CYP4V2: variants seen among roughly 807,000 people sequenced by gnomAD.
The protein encoded by CYP4V2 is cytochrome P450 4V2.
Under a neutral mutation model 60.8 loss-of-function variants are expected in CYP4V2, and 55 were observed. The ratio of observed to expected loss-of-function variants is 0.90; its 90% CI spans 0.73 to 1.13. The LOEUF (loss-of-function observed/expected upper bound fraction) is 1.13. Ranked by LOEUF, CYP4V2 falls within the 50% of genes most tolerant of loss-of-function variation. The pLI, the probability that CYP4V2 is intolerant of heterozygous loss-of-function variation, is 0.00. For synonymous variants in CYP4V2, 239 were observed against 236.8 expected (o/e 1.01, Z -0.08); for missense variants, 675 against 662.9 (o/e 1.02, Z -0.20).
chr4:186,195,934 TA>T lies in CYP4V2; in HGVS notation c.328-68del, dbSNP rs1314032363. 1.8e-6 allele frequency: 2 copies of T among 1,104,370 alleles called. No individual in the cohort carries two copies. Among genetic ancestry groups the T allele is most frequent in the Non-Finnish European group, 2.8e-6 (2 of 724,460 alleles). 68.4% of individuals were successfully genotyped at this position (1,104,370 alleles called of 1,614,324 possible). ...TAAAAACTAGCTGTATTCTAGCCAG[TA>T]TTCCTATAATTACAGGAAGGTTGTT... is the stretch of plus-strand genomic sequence containing the variant. On this transcript the variant is annotated intron_variant, in intron 2 of 10. Transcript: ENST00000378802. This position sits in a 1 kb window ranked among gnomAD's most constrained non-coding sequence, Gnocchi z 4.1.
At chr4:186,194,171 C>T (rs1037033232) in intron 1 of CYP4V2, among the ~76,000 whole-genome samples, 14 of 152,146 alleles carry the variant, frequency 9.2e-5, no homozygotes, top group Admixed American at 5.9e-4. Flanking sequence ...AGCCAGTTTC[C>T]ACCATTTACT....
rs1266432393 is a variant in CYP4V2, at chr4:186,213,417, T to C, written c.*2776T>C. On this transcript the variant is annotated 3_prime_UTR_variant, in exon 11 of 11. Coordinates refer to ENST00000378802, the MANE Select transcript of CYP4V2 (RefSeq NM_207352.4). ...AAACTGTAAAAGATAAATCAGGAGATGGCTGATTCATAATGGGTAATAAAA... is the reference window on the plus strand; with the variant it reads ...AAACTGTAAAAGATAAATCAGGAGACGGCTGATTCATAATGGGTAATAAAA... The C allele has an allele frequency of 6.6e-6, 1 of 152,248 alleles. No homozygotes were observed. The highest frequency in any genetic ancestry group is 1.9e-4 in the East Asian group (1 of 5,202). 9.4% of individuals were successfully genotyped at this position (152,248 alleles called of 1,614,324 possible).
Position 186,197,238 on chromosome 4 carries a change from G to A in CYP4V2, c.604+108G>A, listed in dbSNP as rs145366496. On this transcript the variant is annotated intron_variant, in intron 4 of 10. Coordinates refer to ENST00000378802, the MANE Select transcript of CYP4V2 (RefSeq NM_207352.4). ...AAATGGGGGGACGGGAAAGGGTGAC[G>A]GGCTCTTCAGCGCGGTTCTACGACC... 592 of 1,358,164 alleles carry A rather than the reference G, an allele frequency of 4.4e-4. 5 individuals carry two copies. In the East Asian group the frequency reaches 9.9e-3, roughly 23 times the overall value. 84.1% of individuals were successfully genotyped at this position (1,358,164 alleles called of 1,614,324 possible).
chr4:186,193,976 T>C (rs748402964), intron 1 of CYP4V2, among the ~76,000 whole-genome samples: 3 of 152,174 alleles, frequency 2.0e-5, no homozygotes, highest in Non-Finnish European at 2.9e-5. Context: ...GAACCACAGA[T>C]TGAGACCTCC....
chr4:186,196,674 T>A (rs1287848642), intron 3 of CYP4V2: 1 of 410,654 alleles, frequency 2.4e-6, no homozygotes, highest in Non-Finnish European at 4.3e-6. Flanking sequence ...AATTCTTAAA[T>A]TTTTCAATTT....
Position 186,204,397 on chromosome 4 carries a change from AG to A in CYP4V2, c.988-802del, listed in dbSNP as rs1736430994. 5 of 34,374 alleles carry A rather than the reference AG, an allele frequency of 1.5e-4. 1 individual carries two copies. Among genetic ancestry groups the A allele is most frequent in the East Asian group, 1.4e-3 (2 of 1,464 alleles). 2.1% of individuals were successfully genotyped at this position (34,374 alleles called of 1,614,324 possible). ...GCGGTGGAGGCGCTACGCTGGCGTA[AG>A]AGGTGGCGGTGGAGACGTTTCGCTG... On this transcript the variant is annotated intron_variant, in intron 7 of 10. Transcript: ENST00000378802.
At chr4:186,196,463 C>T in intron 3 of CYP4V2, 2 of 328,108 alleles carry the variant, frequency 6.1e-6, no homozygotes, top group South Asian at 6.0e-5. Flanking sequence ...GTACAGTGAG[C>T]TGGTATCTAG....
At chr4:186,207,945 A>G (rs1193604858) in intron 8 of CYP4V2, among the ~76,000 whole-genome samples, 4 of 152,172 alleles carry the variant, frequency 2.6e-5, no homozygotes, top group Non-Finnish European at 5.9e-5. Flanking sequence ...TTTTATTTTG[A>G]TAATGCATAA....
Position 186,211,218 on chromosome 4 carries a change from A to G in CYP4V2, c.*577A>G, listed in dbSNP as rs1003249063. The G allele has an allele frequency of 6.5e-6, 1 of 153,050 alleles. No individual in the cohort carries two copies. Among genetic ancestry groups the G allele is most frequent in the African/African-American group, 2.4e-5 (1 of 41,444 alleles). The allele number at this position is 153,050 out of a possible 1,614,324, so 9.5% of individuals were successfully genotyped here. On this transcript the variant is annotated 3_prime_UTR_variant, in exon 11 of 11. Transcript: ENST00000378802. ...AAGTAGTTAATTGTGTCAGCACCCAAATAAACATCTAACAGGTTTCTCAAC... is the reference window on the plus strand; with the variant it reads ...AAGTAGTTAATTGTGTCAGCACCCAGATAAACATCTAACAGGTTTCTCAAC...
intron 7 of CYP4V2, chr4:186,203,694 G>A (rs1032163165): frequency 6.6e-6 from 1 of 152,206 alleles, no homozygotes; most frequent in African/African-American, 2.4e-5. Flanking sequence ...ACTTCCTTCC[G>A]TACTTAGACA....
chr4:186,209,065 T>A, intron 9 of CYP4V2, 28 bp from the exon 10 acceptor site: 1 of 1,614,190 alleles, frequency 6.2e-7, no homozygotes. Flanking sequence ...TGCTCCGGTC[T>A]CATAATGTAT....
rs769901483 is a variant in CYP4V2, at chr4:186,191,970, C to G, written c.147C>G (p.Pro49=). 3.0e-5 allele frequency: 48 copies of G among 1,586,110 alleles called. No individual in the cohort carries two copies. The highest frequency in any genetic ancestry group is 3.9e-5 in the Non-Finnish European group (46 of 1,170,340). Reference sequence around the variant, plus strand: ...CGCGGAAATGGCAGCAGATGCGGCCCATCCCCACGGTGGCCCGCGCCTACC... The same window carrying G: ...CGCGGAAATGGCAGCAGATGCGGCCGATCCCCACGGTGGCCCGCGCCTACC... ...SYARKWQQMR[P]IPTVARAYPL... is the part of the protein sequence containing the mutation. The change falls in exon 1 of 11, where the codon CCC becomes CCG. Residue 49 remains proline (P), a synonymous_variant. Coordinates refer to ENST00000378802, the MANE Select transcript of CYP4V2 (RefSeq NM_207352.4).
chr4:186,212,044 G>T lies in CYP4V2; in HGVS notation c.*1403G>T, dbSNP rs1345794706. 6.6e-6 allele frequency: 1 copy of T among 152,034 alleles called. No individual in the cohort carries two copies. Among genetic ancestry groups the T allele is most frequent in the Non-Finnish European group, 1.5e-5 (1 of 68,008 alleles). 9.4% of individuals were successfully genotyped at this position (152,034 alleles called of 1,614,324 possible). On this transcript the variant is annotated 3_prime_UTR_variant, in exon 11 of 11. Transcript: ENST00000378802. ...AGGACTTTAGAACTTATCTAGTTAT[G>T]CTCCTTTATATTATAAGTAAGGGAA...
intron 7 of CYP4V2, chr4:186,202,325 T>G (rs1736326971): frequency 6.6e-6 from 1 of 152,056 alleles, no homozygotes; most frequent in Non-Finnish European, 1.5e-5. Context: ...AGTAGAGAGG[T>G]GTTAAGTGTG....
At position 186,191,800 on chromosome 4, in the gene CYP4V2, A is replaced by G; in HGVS notation, c.-24A>G. Reference sequence around the variant, plus strand: ...GCGGGCCCGCACTTTCCCGGAGTGCACCCCGCGGCCGCCAGCCGGGGCGAT... The same window carrying G: ...GCGGGCCCGCACTTTCCCGGAGTGCGCCCCGCGGCCGCCAGCCGGGGCGAT... On this transcript the variant is annotated 5_prime_UTR_variant, in exon 1 of 11. Coordinates refer to ENST00000378802, the MANE Select transcript of CYP4V2 (RefSeq NM_207352.4). 2 of 1,516,594 alleles carry G rather than the reference A, an allele frequency of 1.3e-6. No homozygotes were observed. Among genetic ancestry groups the G allele is most frequent in the Non-Finnish European group, 8.8e-7 (1 of 1,138,722 alleles). 93.9% of individuals were successfully genotyped at this position (1,516,594 alleles called of 1,614,324 possible).
chr4:186,197,355 A>G, intron 4 of CYP4V2, 178 bp from the exon 5 acceptor site: 1 of 847,734 alleles, frequency 1.2e-6, no homozygotes. Flanking sequence ...GGAAGGAAGA[A>G]CAGGAACAGG....
At chr4:186,199,763 T>C (rs1579966480) in intron 6 of CYP4V2, among the ~76,000 whole-genome samples, 1 of 149,070 alleles carries the variant, frequency 6.7e-6, no homozygotes, top group African/African-American at 2.5e-5. Context: ...GTTTTGAATA[T>C]AGGATGTCAA....
chr4:186,194,894 T>G (rs1419516989), intron 2 of CYP4V2, among the ~76,000 whole-genome samples: 1 of 152,194 alleles, frequency 6.6e-6, no homozygotes, highest in African/African-American at 2.4e-5. Context: ...AAATAAATTA[T>G]TCCGCAAGGC....
rs7698334 is a variant in CYP4V2, at chr4:186,207,383, G to T, written c.1091-1482G>T. On this transcript the variant is annotated intron_variant, in intron 8 of 10. Transcript: ENST00000378802. ...GCAGAGATTGCACCACTGCATTCCA[G>T]CCTGGGCAGCAGAGCAAGACTCTGT... 4.3e-3 allele frequency among the ~76,000 whole-genome samples: 620 copies of T among 144,210 alleles called. 6 individuals are homozygous for T. Among genetic ancestry groups the T allele is most frequent in the African/African-American group, 0.015 (598 of 39,122 alleles). The allele number at this position is 144,210 out of a possible 152,430, so 94.6% of individuals were successfully genotyped here. A position where few individuals can be genotyped will look rare whatever the true frequency, so the allele number is the denominator to read the frequency against.
Sources: allele counts gnomAD v4.1 joint callset (sites outside exome capture counted in the v4.1 genomes callset), GRCh38; gene constraint gnomAD v4.1.1; non-coding constraint Gnocchi (gnomAD v3.1); transcripts MANE v1.5; gene names NCBI Gene and HGNC (gene_info 2026-07-23, HGNC 2026-07-21).